The following CCSER1 variants were observed in gnomAD, a reference collection of about 807,000 sequenced individuals.
CCSER1 encodes coiled-coil serine rich protein 1.
A neutral mutation model predicts 82.0 loss-of-function variants in CCSER1; 41 were observed. That is an observed-to-expected ratio of 0.50 (90% CI 0.39 to 0.65). CCSER1 has a LOEUF of 0.65. Among genes scored for constraint, CCSER1 ranks in the 30% least tolerant of loss-of-function variants. The pLI is 0.00. For missense variants in CCSER1, 1,119 were observed against 1,064.2 expected (o/e 1.05, Z -0.72); for synonymous variants, 414 against 383.9 (o/e 1.08, Z -0.92).
At chr4:91,579,482 A>G (rs1006044346) in intron 10 of CCSER1, among the ~76,000 whole-genome samples, 1 of 151,810 alleles carries the variant, frequency 6.6e-6, no homozygotes, top group Non-Finnish European at 1.5e-5. Context: ...CAATAGCAAA[A>G]TTTAACTGCA....
chr4:90,993,805 AT>A (rs1215178480), intron 9 of CCSER1, among the ~76,000 whole-genome samples: 1 of 152,086 alleles, frequency 6.6e-6, no homozygotes, highest in African/African-American at 2.4e-5. Context: ...ACACTACCAT[AT>A]TGAGGTTTAC....
rs1277706738 is a variant in CCSER1, at chr4:90,592,588, A to G, written c.1725-35437A>G. Among the ~76,000 whole-genome samples the G allele has an allele frequency of 3.3e-5, 5 of 152,260 alleles. No homozygotes were observed. The East Asian group carries it at 9.6e-4, about 29-fold the overall frequency. Reference sequence around the variant, plus strand: ...ACTTGTATATTATTTTAATCTTAATATTTCTAATCATCTCTTACGCACAGC... The same window carrying G: ...ACTTGTATATTATTTTAATCTTAATGTTTCTAATCATCTCTTACGCACAGC... On this transcript the variant is annotated intron_variant, in intron 5 of 10. Transcript: ENST00000509176.
At chr4:90,736,946 G>A (rs1745753514) in intron 7 of CCSER1, among the ~76,000 whole-genome samples, 1 of 151,986 alleles carries the variant, frequency 6.6e-6, no homozygotes, top group African/African-American at 2.4e-5. Context: ...AAAATGCAAT[G>A]ACAACATGGA....
chr4:91,135,977 T>A (rs1287850223), intron 10 of CCSER1, among the ~76,000 whole-genome samples: 3 of 152,338 alleles, frequency 2.0e-5, no homozygotes, highest in East Asian at 3.9e-4. Flanking sequence ...TACATTATGT[T>A]GCCAGACATG....
intron 10 of CCSER1, among the ~76,000 whole-genome samples, chr4:91,349,563 C>T (rs975754039): frequency 1.3e-5 from 2 of 152,028 alleles, no homozygotes; most frequent in African/African-American, 2.4e-5. Context: ...AGGGGGTTAA[C>T]GTTGTATATT....
chr4:91,090,092 T>A (rs1304263945), intron 10 of CCSER1, among the ~76,000 whole-genome samples: 1 of 152,328 alleles, frequency 6.6e-6, no homozygotes, highest in Admixed American at 6.5e-5. Flanking sequence ...CCATGAGCCA[T>A]CTTGTGCCCA....
In CCSER1 at chr4:90,873,360, G is replaced by A. The variant is rs779844684; in HGVS notation, c.2095-50010G>A. ...TTCTTTTTCTGAATCAATTCTGTTGGTGAGAGACTGATGCATTCTTCAGTG... is the reference window on the plus strand; with the variant it reads ...TTCTTTTTCTGAATCAATTCTGTTGATGAGAGACTGATGCATTCTTCAGTG... On this transcript the variant is annotated intron_variant, in intron 8 of 10. Coordinates refer to ENST00000509176, the MANE Select transcript of CCSER1 (RefSeq NM_001145065.2). Among the ~76,000 whole-genome samples, 134 of 152,016 alleles carry A rather than the reference G, an allele frequency of 8.8e-4. 1 individual carries two copies. Among genetic ancestry groups the A allele is most frequent in the Middle Eastern group, 3.4e-3 (1 of 294 alleles).
intron 5 of CCSER1, among the ~76,000 whole-genome samples, chr4:90,535,433 A>G (rs114835191): frequency 0.012 from 1,839 of 152,296 alleles, 12 homozygotes; most frequent in South Asian, 0.022. Context: ...AAAAACAAAA[A>G]AACAACAAAG....
chr4:91,080,519 G>T (rs1344646483), intron 9 of CCSER1, among the ~76,000 whole-genome samples: 1 of 152,090 alleles, frequency 6.6e-6, no homozygotes, highest in Non-Finnish European at 1.5e-5. Context: ...TAGAAAGCAA[G>T]AGCAAACACA....
chr4:91,547,640 C>T (rs1761957082), intron 10 of CCSER1, among the ~76,000 whole-genome samples: 1 of 152,078 alleles, frequency 6.6e-6, no homozygotes, highest in South Asian at 2.1e-4. Context: ...GACAATCTGT[C>T]TTATAATTGT....
intron 10 of CCSER1, among the ~76,000 whole-genome samples, chr4:91,398,034 A>AT (rs1484470510): frequency 6.6e-6 from 1 of 151,996 alleles, no homozygotes; most frequent in African/African-American, 2.4e-5. Flanking sequence ...TTATTTTTGC[A>AT]TATTACCTAG....
At chr4:90,445,367 A>G (rs1760504278) in intron 4 of CCSER1, among the ~76,000 whole-genome samples, 1 of 152,084 alleles carries the variant, frequency 6.6e-6, no homozygotes, top group African/African-American at 2.4e-5. Context: ...TGGAAATGGT[A>G]TTTCAACAAA....
intron 1 of CCSER1, among the ~76,000 whole-genome samples, chr4:90,230,034 A>G (rs1248668860): frequency 2.6e-5 from 4 of 152,140 alleles, no homozygotes; most frequent in African/African-American, 4.8e-5. Context: ...AGACTTTAAC[A>G]CCCCACTGTC....
At chr4:90,696,746 G>A (rs1156691594) in intron 6 of CCSER1, among the ~76,000 whole-genome samples, 1 of 152,078 alleles carries the variant, frequency 6.6e-6, no homozygotes, top group Non-Finnish European at 1.5e-5. Flanking sequence ...CAACCTTTAA[G>A]AGTGGGTTCT....
intron 10 of CCSER1, among the ~76,000 whole-genome samples, chr4:91,133,821 C>G (rs1418543147): frequency 6.6e-6 from 1 of 152,138 alleles, no homozygotes; most frequent in Non-Finnish European, 1.5e-5. Context: ...GTAGTGCTTG[C>G]CGGGCATGCT....
At chr4:90,307,214 T>C (rs577904030) in intron 1 of CCSER1, among the ~76,000 whole-genome samples, 99 of 152,102 alleles carry the variant, frequency 6.5e-4, no homozygotes, top group Non-Finnish European at 1.2e-3. Flanking sequence ...CTGCCACATC[T>C]CCTCACTCGT....
chr4:91,000,219 GGTATAGTATAGTATAGTATA>G (rs60452811), intron 9 of CCSER1, among the ~76,000 whole-genome samples: 5,923 of 127,650 alleles, frequency 0.046, 147 homozygotes, highest in Middle Eastern at 0.12. Flanking sequence ...GTATAGTATA[GGTATAGTATAGTATAGTATA>G]GTATAGTATA....
intron 7 of CCSER1, among the ~76,000 whole-genome samples, chr4:90,810,212 T>A (rs1758070176): frequency 1.3e-5 from 2 of 152,192 alleles, no homozygotes; most frequent in South Asian, 4.1e-4. Flanking sequence ...TCCTCCTTCC[T>A]TGGCCTCCCA....
intron 10 of CCSER1, among the ~76,000 whole-genome samples, chr4:91,166,142 G>C (rs1269914330): frequency 6.6e-6 from 1 of 152,138 alleles, no homozygotes; most frequent in Non-Finnish European, 1.5e-5. Flanking sequence ...ACAGAAGTGA[G>C]GCAATCTTTA....
Sources: gnomAD v4.1 joint callset for allele counts (sites outside exome capture counted in the v4.1 genomes callset) on GRCh38, gnomAD v4.1.1 for gene constraint, MANE v1.5 for transcripts, NCBI Gene and HGNC (gene_info 2026-07-23, HGNC 2026-07-21) for gene names.